ACTR3B: variants seen among roughly 807,000 people sequenced by gnomAD.
ACTR3B encodes actin-related protein 3B.
A neutral mutation model predicts 59.0 loss-of-function variants in ACTR3B; 8 were observed. That is an observed-to-expected ratio of 0.14 (90% confidence interval 0.08 to 0.24). ACTR3B has a LOEUF of 0.24. Among genes scored for constraint, ACTR3B ranks in the 10% least tolerant of loss-of-function variants. The probability of loss-of-function intolerance (pLI) is 1.00; values close to 1 mark genes in which losing one functional copy is unlikely to be tolerated. For synonymous variants in ACTR3B, 148 were observed against 197.9 expected, an observed-to-expected ratio of 0.75 and a Z score of 2.12; for missense variants, 245 against 552.3, an observed-to-expected ratio of 0.44 and a Z score of 5.58.
At chr7:152,803,991 A>G (rs1296812117) in intron 4 of ACTR3B, among the ~76,000 whole-genome samples, 4 of 152,206 alleles carry the variant, frequency 2.6e-5, no homozygotes, top group Non-Finnish European at 5.9e-5. Context: ...CAAGCCATCA[A>G]AGTGAATTGA....
intron 9 of ACTR3B, among the ~76,000 whole-genome samples, chr7:152,826,949 C>T (rs1796619624): frequency 6.6e-6 from 1 of 152,022 alleles, no homozygotes; most frequent in African/African-American, 2.4e-5. Flanking sequence ...TCTTTGAAAA[C>T]TCATGCTTTT....
intron 7 of ACTR3B, among the ~76,000 whole-genome samples, chr7:152,822,465 G>C (rs1286420031): frequency 6.6e-6 from 1 of 152,232 alleles, no homozygotes; most frequent in African/African-American, 2.4e-5. Flanking sequence ...CATCCCTCAG[G>C]CTGCCTGTCG....
intron 9 of ACTR3B, among the ~76,000 whole-genome samples, chr7:152,826,984 T>C (rs1397890090): frequency 6.6e-6 from 1 of 152,016 alleles, no homozygotes; most frequent in African/African-American, 2.4e-5. Context: ...CTGAAAATTA[T>C]GTAAAATGCG....
chr7:152,803,746 C>G (rs903930614), intron 4 of ACTR3B, among the ~76,000 whole-genome samples: 1 of 152,170 alleles, frequency 6.6e-6, no homozygotes, highest in Non-Finnish European at 1.5e-5. Context: ...ATGGAAAAGG[C>G]CATTTGCTAA....
At chr7:152,832,076 C>G (rs1262592891) in intron 9 of ACTR3B, among the ~76,000 whole-genome samples, 2 of 152,142 alleles carry the variant, frequency 1.3e-5, no homozygotes, top group Non-Finnish European at 2.9e-5. Context: ...GGAGGCAGGA[C>G]AGTGCCCGTA....
chr7:152,790,974 A>AT (rs955603241), intron 2 of ACTR3B, among the ~76,000 whole-genome samples: 6 of 148,468 alleles, frequency 4.0e-5, no homozygotes, highest in African/African-American at 1.2e-4. Flanking sequence ...CCCAAACACA[A>AT]TTTTTTTTGA....
At chr7:152,778,466 G>A (rs2098141739) in intron 1 of ACTR3B, among the ~76,000 whole-genome samples, 1 of 151,830 alleles carries the variant, frequency 6.6e-6, no homozygotes, top group Admixed American at 6.6e-5. Context: ...TTGAACTCCT[G>A]AGCTCAGGTG....
At chr7:152,796,907 G>A (rs7458454) in intron 2 of ACTR3B, among the ~76,000 whole-genome samples, 52,800 of 89,448 alleles carry the variant, frequency 0.59, 17,370 homozygotes, top group East Asian at 0.76. Context: ...TTGTAGAGAC[G>A]GGTTTTCACC....
intron 9 of ACTR3B, among the ~76,000 whole-genome samples, chr7:152,846,248 G>A (rs1012058264): frequency 6.8e-6 from 1 of 146,832 alleles, no homozygotes; most frequent in Admixed American, 6.8e-5. Context: ...TGCCCGGGCT[G>A]TAGTCTGTAG....
intron 5 of ACTR3B, among the ~76,000 whole-genome samples, chr7:152,815,625 C>T (rs1204312091): frequency 2.6e-5 from 4 of 152,218 alleles, no homozygotes; most frequent in Non-Finnish European, 5.9e-5. Flanking sequence ...GTAGCAGCAT[C>T]CCTGGCCTCT....
chr7:152,841,710 A>T (rs531454419), intron 9 of ACTR3B, among the ~76,000 whole-genome samples: 1 of 152,208 alleles, frequency 6.6e-6, no homozygotes, highest in East Asian at 1.9e-4. Flanking sequence ...GTTACAGAAC[A>T]TTGAGAAATG....
intron 4 of ACTR3B, among the ~76,000 whole-genome samples, chr7:152,803,353 T>G (rs572941386): frequency 6.6e-6 from 1 of 152,250 alleles, no homozygotes; most frequent in Non-Finnish European, 1.5e-5. Context: ...CGGCCCACAG[T>G]TGTTTATGTG....
intron 6 of ACTR3B, among the ~76,000 whole-genome samples, chr7:152,817,530 A>G (rs936537504): frequency 1.1e-4 from 16 of 152,156 alleles, no homozygotes; most frequent in Non-Finnish European, 1.8e-4. Context: ...CCAATGGACT[A>G]TTTAAAGGAA....
chr7:152,838,990 G>A (rs139608020), intron 9 of ACTR3B, among the ~76,000 whole-genome samples: 2 of 140,728 alleles, frequency 1.4e-5, no homozygotes, highest in Non-Finnish European at 3.0e-5. Context: ...AAAGATGACC[G>A]GTGAGAAATG....
chr7:152,810,422 T>TG, intron 4 of ACTR3B, among the ~76,000 whole-genome samples: 2 of 112,830 alleles, frequency 1.8e-5, no homozygotes, highest in African/African-American at 3.2e-5. Flanking sequence ...TTTTTTTTTT[T>TG]TTTTTTGTTG....
At chr7:152,830,950 A>G (rs1796979584) in intron 9 of ACTR3B, among the ~76,000 whole-genome samples, 2 of 152,248 alleles carry the variant, frequency 1.3e-5, no homozygotes, top group South Asian at 4.1e-4. Context: ...CATCTTTTCA[A>G]ATAGGTCTTT....
chr7:152,767,547 T>C (rs573614229), intron 1 of ACTR3B, among the ~76,000 whole-genome samples: 56 of 152,360 alleles, frequency 3.7e-4, no homozygotes, highest in African/African-American at 1.3e-3. Flanking sequence ...GGCATTTTTA[T>C]TGGGATTTTA....
chr7:152,768,113 C>G (rs979500710), intron 1 of ACTR3B, among the ~76,000 whole-genome samples: 1 of 152,240 alleles, frequency 6.6e-6, no homozygotes, highest in African/African-American at 2.4e-5. Context: ...ATCCCAGCTA[C>G]ATGGGAGGTT....
At chr7:152,778,943 C>CAAAAAAAAAAAAAAAAA (rs59789390) in intron 1 of ACTR3B, among the ~76,000 whole-genome samples, 2 of 36,826 alleles carry the variant, frequency 5.4e-5, no homozygotes, top group Non-Finnish European at 8.8e-5. Context: ...ACTGTGTCTC[C>CAAAAAAAAAAAAAAAAA]AAAAAAAAAA....
Sources: allele counts gnomAD v4.1 joint callset (sites outside exome capture counted in the v4.1 genomes callset), GRCh38; gene constraint gnomAD v4.1.1; transcripts MANE v1.5; gene names NCBI Gene and HGNC (gene_info 2026-07-23, HGNC 2026-07-21).